Variants in CNTFR observed in about 807,000 individuals in gnomAD.
The protein encoded by CNTFR is ciliary neurotrophic factor receptor subunit alpha.
A neutral mutation model predicts 40.4 loss-of-function variants in CNTFR; 12 were observed. The observed-to-expected ratio is 0.30, with a 90% confidence interval of 0.19 to 0.48. The LOEUF (loss-of-function observed/expected upper bound fraction) is 0.48, where lower values mean the gene tolerates loss of function less well. Among genes scored for constraint, CNTFR ranks in the 20% least tolerant of loss-of-function variants. The pLI is 0.99. For synonymous variants in CNTFR, 202 were observed against 209.6 expected, an observed-to-expected ratio of 0.96 and a Z score of 0.31; for missense variants, 414 against 506.8, an observed-to-expected ratio of 0.82 and a Z score of 1.76.
rs1256998257 is a variant in CNTFR, at chr9:34,565,599, T to A, written c.86-767A>T. The stretch of plus-strand genomic sequence containing the variant: ...GGGGTGCGGTGCTGCTGGGATGGAG[T>A]GAGCACTCTGACCATTCCTCTCCTA... On this transcript the variant is annotated intron_variant, in intron 3 of 9. Transcript: ENST00000378980. 2.0e-5 allele frequency among the ~76,000 whole-genome samples: 3 copies of A among 151,276 alleles called. No homozygotes were observed. The East Asian group carries it at 5.8e-4, about 29-fold the overall frequency.
chr9:34,583,613 C>T (rs1564076707), intron 1 of CNTFR, among the ~76,000 whole-genome samples: 1 of 152,040 alleles, frequency 6.6e-6, no homozygotes, highest in Non-Finnish European at 1.5e-5. Flanking sequence ...AAGTCCACCT[C>T]CTTCCAGGCC....
intron 4 of CNTFR, among the ~76,000 whole-genome samples, chr9:34,559,077 C>A (rs1452593505): frequency 6.6e-6 from 1 of 152,204 alleles, no homozygotes; most frequent in Non-Finnish European, 1.5e-5. Context: ...TGACACCTCC[C>A]TCCTGTGCCT....
At chr9:34,565,113 C>CA (rs1468336786) in intron 3 of CNTFR, among the ~76,000 whole-genome samples, 1 of 152,008 alleles carries the variant, frequency 6.6e-6, no homozygotes, top group East Asian at 1.9e-4. Context: ...TTGCATGTGA[C>CA]AGAGAGTTTG....
intron 3 of CNTFR, among the ~76,000 whole-genome samples, chr9:34,565,297 G>A (rs1826237127): frequency 6.6e-6 from 1 of 151,972 alleles, no homozygotes; most frequent in Non-Finnish European, 1.5e-5. Flanking sequence ...CCCACTCCTG[G>A]ACTCCTTTTT....
chr9:34,564,793 A>C lies in CNTFR; in HGVS notation c.125T>G (p.Val42Gly). Residue 42 changes from valine to glycine, a missense_variant, in exon 4 of 10, where the codon GTG becomes GGG. By Grantham distance (109) the Val-to-Gly change is moderately radical. Coordinates refer to ENST00000378980, the MANE Select transcript of CNTFR (RefSeq NM_147164.3). ...HVQYERLGSD[V>G]TLPCGTANWD... The stretch of plus-strand genomic sequence containing the variant: ...GTTTGCTGTCCCACATGGCAGTGTC[A>C]CGTCAGAGCCCAGGCGCTCGTACTG... 6.2e-7 allele frequency: 1 copy of C among 1,613,920 alleles called. No homozygotes were observed. Among genetic ancestry groups the C allele is most frequent in the Non-Finnish European group, 8.5e-7 (1 of 1,179,972 alleles).
rs1179375314 is a variant in CNTFR at position 34,554,236 on chromosome 9, T to C, written c.769-1382A>G. Among the ~76,000 whole-genome samples the C allele has an allele frequency of 2.0e-5, 3 of 152,236 alleles. No individual in the cohort carries two copies. In the East Asian group the frequency reaches 5.8e-4, roughly 29 times the overall value. ...CCCTTTCTGCTCGGCAAAGATACCC[T>C]CTGGCTGAGTAGCCACGGCTCCTTC... On this transcript the variant is annotated intron_variant, in intron 7 of 9. Transcript: ENST00000378980.
At chr9:34,562,853 A>C (rs1217611410) in intron 4 of CNTFR, among the ~76,000 whole-genome samples, 1 of 152,050 alleles carries the variant, frequency 6.6e-6, no homozygotes, top group African/African-American at 2.4e-5. Flanking sequence ...CTGACTTCTC[A>C]AAATCCCTCT....
At chr9:34,568,810 G>T in intron 3 of CNTFR, 87 bp downstream of exon 3, 1 of 1,198,490 alleles carries the variant, frequency 8.3e-7, no homozygotes. Context: ...TGTGACTCTT[G>T]GGTAGTGTCA....
At chr9:34,577,866 G>T (rs1379498410) in intron 2 of CNTFR, among the ~76,000 whole-genome samples, 1 of 152,038 alleles carries the variant, frequency 6.6e-6, no homozygotes, top group Non-Finnish European at 1.5e-5. Flanking sequence ...TTGGCAGGGG[G>T]AGCGCGCCGA....
intron 1 of CNTFR, chr9:34,582,276 C>CAAAAAAAAAAAAAAAAAAA (rs10601840): frequency 7.9e-6 from 1 of 126,538 alleles, no homozygotes; most frequent in African/African-American, 3.1e-5. Context: ...AACCCTATGG[C>CAAAAAAAAAAAAAAAAAAA]AAAAAAAAAA....
Position 34,571,561 on chromosome 9 carries a change from TACACACACAC to T in CNTFR, c.1-2590_1-2581del, listed in dbSNP as rs145378339. 45 of 148,654 alleles carry T rather than the reference TACACACACAC, an allele frequency of 3.0e-4. 1 individual carries two copies. Among genetic ancestry groups the T allele is most frequent in the African/African-American group, 7.2e-4 (29 of 40,514 alleles). 9.2% of individuals were successfully genotyped at this position (148,654 alleles called of 1,614,324 possible). On this transcript the variant is annotated intron_variant, in intron 2 of 9. Transcript: ENST00000378980. The stretch of plus-strand genomic sequence containing the variant: ...ACGTGCATGCGTGCACGCGTGCGCA[TACACACACAC>T]ACACACACACACACACACTCAGGCC...
intron 6 of CNTFR, among the ~76,000 whole-genome samples, chr9:34,556,803 A>G (rs1273709265): frequency 6.6e-6 from 1 of 151,890 alleles, no homozygotes; most frequent in Non-Finnish European, 1.5e-5. Context: ...CCCCTCCTAC[A>G]CCAGCATCAC....
In CNTFR at chr9:34,561,531, G is replaced by A. The variant is rs527887757; in HGVS notation, c.319+3068C>T. On this transcript the variant is annotated intron_variant, in intron 4 of 9. Coordinates refer to ENST00000378980, the MANE Select transcript of CNTFR (RefSeq NM_147164.3). ...GAGAGGAGTCCTTAGGGCTCTGCTC[G>A]TGAGGATCCACTTGAGAGCAAGAAG... Among the ~76,000 whole-genome samples, 230 of 152,312 alleles carry A rather than the reference G, an allele frequency of 1.5e-3. 2 individuals are homozygous for A. Among genetic ancestry groups the A allele is most frequent in the African/African-American group, 5.0e-3 (209 of 41,560 alleles).
In CNTFR at chr9:34,552,020, G is replaced by C. The variant is rs41274855; in HGVS notation, c.*51C>G. The C allele has an allele frequency of 0.14, 144,734 of 1,056,298 alleles. 10,926 individuals carry two copies. Among genetic ancestry groups the C allele is most frequent in the South Asian group, 0.17 (12,563 of 75,586 alleles). The allele number at this position is 1,056,298 out of a possible 1,614,324, so 65.4% of individuals were successfully genotyped here. A position where few individuals can be genotyped will look rare whatever the true frequency, so the allele number is the denominator to read the frequency against. The stretch of plus-strand genomic sequence containing the variant: ...AACCGGGGTCTGCAGGCTCAGCTCC[G>C]GCCTCCTGCTCCTCTGCAGGTGCTC... On this transcript the variant is annotated 3_prime_UTR_variant, in exon 10 of 10. Transcript: ENST00000378980. The surrounding 1 kb of genome is among the most constrained non-coding windows in gnomAD (Gnocchi z 5.1).
upstream of CNTFR, chr9:34,589,826 T>G (rs1827705966): frequency 7.9e-6 from 1 of 127,232 alleles, no homozygotes. The surrounding 1 kb of genome is among the most constrained non-coding windows in gnomAD (Gnocchi z 4.4). Flanking sequence ...GGGCGCCCGC[T>G]CGGCCGCGCG....
At chr9:34,587,315 C>T (rs1008343849) in intron 1 of CNTFR, among the ~76,000 whole-genome samples, 4 of 152,098 alleles carry the variant, frequency 2.6e-5, no homozygotes, top group African/African-American at 7.2e-5. Flanking sequence ...ACTGGTATCC[C>T]TTTTTAAGTC....
chr9:34,573,032 G>A (rs568690553), intron 2 of CNTFR, among the ~76,000 whole-genome samples: 7 of 152,256 alleles, frequency 4.6e-5, no homozygotes, highest in East Asian at 1.9e-4. Flanking sequence ...AGCCGCCGTC[G>A]GTAACAAACA....
At chr9:34,556,482 C>T in intron 6 of CNTFR, 64 bp from the exon 7 acceptor site, 10 of 1,493,624 alleles carry the variant, frequency 6.7e-6, no homozygotes, top group Non-Finnish European at 9.1e-6. Flanking sequence ...TTGTCAACTC[C>T]AGCCACCATG....
At chr9:34,579,602 G>A (rs1827186410) in intron 2 of CNTFR, among the ~76,000 whole-genome samples, 1 of 151,982 alleles carries the variant, frequency 6.6e-6, no homozygotes. Context: ...GATGGAGAGA[G>A]AGAGGGTGAT....
Sources: allele counts gnomAD v4.1 joint callset (sites outside exome capture counted in the v4.1 genomes callset), GRCh38; gene constraint gnomAD v4.1.1; non-coding constraint Gnocchi (gnomAD v3.1); transcripts MANE v1.5; gene names NCBI Gene and HGNC (gene_info 2026-07-23, HGNC 2026-07-21).